CDC25C: variants seen among roughly 807,000 people sequenced by gnomAD.
The protein encoded by CDC25C is M-phase inducer phosphatase 3.
A neutral mutation model predicts 52.5 loss-of-function variants in CDC25C; 48 were observed. The ratio of observed to expected loss-of-function variants is 0.91; its 90% CI spans 0.72 to 1.16. The LOEUF (loss-of-function observed/expected upper bound fraction) is 1.16, where lower values mean the gene tolerates loss of function less well. Ranked by LOEUF, CDC25C falls within the 50% of genes most tolerant of loss-of-function variation. The probability of loss-of-function intolerance (pLI) is 0.00; values close to 1 mark genes in which losing one functional copy is unlikely to be tolerated. For synonymous variants in CDC25C, 187 were observed against 206.5 expected (o/e 0.91, Z 0.81); for missense variants, 510 against 566.1 (o/e 0.90, Z 1.01).
intron 7 of CDC25C, among the ~76,000 whole-genome samples, chr5:138,315,361 G>A (rs1405452951): frequency 6.6e-6 from 1 of 152,108 alleles, no homozygotes; most frequent in African/African-American, 2.4e-5. Flanking sequence ...TATATATAGG[G>A]TTCAGTACTG....
At chr5:138,292,794 G>C (rs1424085538) in intron 7 of CDC25C, among the ~76,000 whole-genome samples, 1 of 152,182 alleles carries the variant, frequency 6.6e-6, no homozygotes, top group African/African-American at 2.4e-5. Flanking sequence ...TGAAAGGCAT[G>C]GTTTGGGTGC....
chr5:138,319,257 C>A lies in CDC25C; in HGVS notation c.577G>T (p.Glu193Ter). The change falls in exon 7 of 14, where the codon GAA becomes TAA. Residue 193 changes from glutamate (E) to a stop codon, truncating the protein, a stop_gained. Coordinates refer to ENST00000323760, the MANE Select transcript of CDC25C (RefSeq NM_001790.5). LOFTEE classifies it high-confidence loss of function. ...GEDQAEEISD[E>*]LMEFSLKDQE... Reference sequence around the variant, plus strand: ...TCTTTCAGGGAAAACTCCATTAATTCATCTGAAATCTCTTCTGCCTGGTCT... The same window carrying A: ...TCTTTCAGGGAAAACTCCATTAATTAATCTGAAATCTCTTCTGCCTGGTCT... 3 of 1,613,636 alleles carry A rather than the reference C, an allele frequency of 1.9e-6. No homozygotes were observed. The highest frequency in any genetic ancestry group is 2.5e-6 in the Non-Finnish European group (3 of 1,179,760).
chr5:138,310,878 T>A (rs1232688024), intron 7 of CDC25C, among the ~76,000 whole-genome samples: 2 of 152,202 alleles, frequency 1.3e-5, no homozygotes, highest in Non-Finnish European at 2.9e-5. Context: ...TGTTTTAACT[T>A]TTCCATAAAG....
At chr5:138,334,802 A>C (rs1405215301), upstream of CDC25C, among the ~76,000 whole-genome samples, 1 of 152,248 alleles carries the variant, frequency 6.6e-6, no homozygotes, top group Non-Finnish European at 1.5e-5. Context: ...CAAACTGTGA[A>C]ATGGTAGAAT....
At chr5:138,336,539 T>C (rs1470944783), upstream of CDC25C, among the ~76,000 whole-genome samples, 1 of 152,122 alleles carries the variant, frequency 6.6e-6, no homozygotes, top group Non-Finnish European at 1.5e-5. Context: ...GAAATAAATA[T>C]GCTGGGCATG....
rs556465778 is a variant in CDC25C at position 138,292,008 on chromosome 5, T to A, written c.724A>T (p.Lys242Ter). The A allele has an allele frequency of 3.5e-5, 57 of 1,610,458 alleles. No homozygotes were observed. The East Asian group carries it at 3.8e-4, about 11-fold the overall frequency. Residue 242 changes from lysine to a stop codon, truncating the protein, a stop_gained, in exon 8 of 14, where the codon AAA becomes TAA. Transcript: ENST00000323760. LOFTEE classifies it high-confidence loss of function. ...CCTTGGCCAGAAAAATACTTTTTTT[T>A]AACTTTATCTGGTATTGTGTTGTCC... ...FKDNTIPDKV[K>*]KKYFSGQGKL...
chr5:138,322,845 T>C (rs1038293361), intron 6 of CDC25C, among the ~76,000 whole-genome samples: 5 of 152,004 alleles, frequency 3.3e-5, no homozygotes, highest in Non-Finnish European at 7.4e-5. Flanking sequence ...AGTCTGGAAC[T>C]CCTGACCTCA....
chr5:138,310,680 TC>T, intron 7 of CDC25C, among the ~76,000 whole-genome samples: 1 of 152,308 alleles, frequency 6.6e-6, no homozygotes, highest in South Asian at 2.1e-4. Flanking sequence ...ATCATATGAC[TC>T]ACCTACAGTC....
intron 7 of CDC25C, among the ~76,000 whole-genome samples, chr5:138,317,251 A>T (rs1001569250): frequency 1.1e-4 from 17 of 152,102 alleles, no homozygotes; most frequent in East Asian, 1.9e-4. Flanking sequence ...TTAAATAATT[A>T]AAAAAAATAA....
At chr5:138,338,221 C>T in exon 1 of CDC25C, 1 of 1,262,366 alleles carries the variant, frequency 7.9e-7, no homozygotes, top group Non-Finnish European at 1.0e-6. Context: ...CTCGTTGGTT[C>T]GCGCCAGCGC....
intron 7 of CDC25C, among the ~76,000 whole-genome samples, chr5:138,301,746 C>T (rs2126711317): frequency 6.6e-6 from 1 of 151,066 alleles, no homozygotes; most frequent in East Asian, 1.9e-4. Flanking sequence ...CTCTGTCACC[C>T]AGGCTGGAGT....
chr5:138,331,090 G>C lies in CDC25C; in HGVS notation c.91C>G (p.Leu31Val), dbSNP rs1760339218. 2 of 1,614,056 alleles carry C rather than the reference G, an allele frequency of 1.2e-6. No individual in the cohort carries two copies. The highest frequency in any genetic ancestry group is 1.7e-6 in the Non-Finnish European group (2 of 1,179,896). The change falls in exon 2 of 14, where the codon CTG becomes GTG. Residue 31 changes from leucine to valine, a missense_variant. By Grantham distance (32) the Leu-to-Val change is conservative. Transcript: ENST00000323760. ...FRSNQRKMLN[L>V]LLERDTSFTV... Reference sequence around the variant, plus strand: ...AAGGAAGTGTCTCTCTCCAGGAGCAGGTTTAACATTTTCCTTTGATTAGAC... The same window carrying C: ...AAGGAAGTGTCTCTCTCCAGGAGCACGTTTAACATTTTCCTTTGATTAGAC...
chr5:138,338,196 T>C (rs1456420074), exon 1 of CDC25C: 1 of 1,281,128 alleles, frequency 7.8e-7, no homozygotes, highest in Admixed American at 2.3e-5. Flanking sequence ...GCTGTCCCCC[T>C]ACTCTCCTCA....
At chr5:138,293,099 T>C (rs948387017) in intron 7 of CDC25C, among the ~76,000 whole-genome samples, 21 of 152,240 alleles carry the variant, frequency 1.4e-4, no homozygotes, top group African/African-American at 5.1e-4. Context: ...ATGTTGTTTA[T>C]CACACACATG....
Position 138,326,072 on chromosome 5 carries a change from C to T in CDC25C, c.336-18G>A, listed in dbSNP as rs753779322. On this transcript the variant is annotated intron_variant, in intron 4 of 13. Coordinates refer to ENST00000323760, the MANE Select transcript of CDC25C (RefSeq NM_001790.5). ...CATGATTCCTGCAGATTAAAACAAA[C>T]TGCCTGTCAGGTTAGTCCCAAATAC... The T allele has an allele frequency of 2.7e-5, 43 of 1,614,002 alleles. No individual in the cohort carries two copies. In the East Asian group the frequency reaches 9.4e-4, roughly 35 times the overall value.
At chr5:138,307,594 A>G (rs927628392) in intron 7 of CDC25C, among the ~76,000 whole-genome samples, 1 of 151,950 alleles carries the variant, frequency 6.6e-6, no homozygotes, top group Admixed American at 6.6e-5. Context: ...ATAAAAGGAC[A>G]ATTTTAAAAC....
chr5:138,291,117 T>G (rs1420971898), intron 8 of CDC25C, among the ~76,000 whole-genome samples: 2 of 151,960 alleles, frequency 1.3e-5, no homozygotes, highest in Non-Finnish European at 2.9e-5. Context: ...ATTTTAGAAT[T>G]TTAATTTTTT....
chr5:138,326,706 C>T (rs1340330794), intron 4 of CDC25C, among the ~76,000 whole-genome samples: 1 of 152,148 alleles, frequency 6.6e-6, no homozygotes, highest in Admixed American at 6.5e-5. Context: ...GTAATCCCAG[C>T]ACTTTGGGAG....
chr5:138,290,773 A>G, intron 8 of CDC25C, 33 bp from the exon 9 acceptor site: 1 of 1,293,688 alleles, frequency 7.7e-7, no homozygotes, highest in South Asian at 1.2e-5. Context: ...CCCACACCCA[A>G]TCCTCATGTT....
Sources: gnomAD v4.1 joint callset for allele counts (sites outside exome capture counted in the v4.1 genomes callset) on GRCh38, gnomAD v4.1.1 for gene constraint, MANE v1.5 for transcripts, NCBI Gene and HGNC (gene_info 2026-07-23, HGNC 2026-07-21) for gene names.